TENM1: variants seen among roughly 807,000 people sequenced by gnomAD.
TENM1 encodes teneurin transmembrane protein 1.
Under a neutral mutation model 174.8 loss-of-function variants are expected in TENM1, and 35 were observed. That is an observed-to-expected ratio of 0.20 (90% CI 0.15 to 0.27). The LOEUF is 0.27. TENM1 is among the 10% of genes least tolerant of loss of function. TENM1 has a pLI of 1.00. For missense variants in TENM1, 1,633 were observed against 2,130.1 expected (o/e 0.77, Z 4.59); for synonymous variants, 781 against 798.7 (o/e 0.98, Z 0.37).
At chrX:125,195,026 T>C in the TENM1 span, among the ~76,000 whole-genome samples, 1 of 112,511 alleles carries the variant, frequency 8.9e-6, no homozygotes, top group South Asian at 3.7e-4. Flanking sequence ...TTAATGTCTC[T>C]GTAGCACCAG....
intron 1 of TENM1, among the ~76,000 whole-genome samples, chrX:124,922,098 T>C (rs750912373): frequency 9.0e-6 from 1 of 111,215 alleles, no homozygotes; most frequent in East Asian, 2.8e-4. Flanking sequence ...CACTGGTGTA[T>C]GAGAGTGATA....
chrX:124,944,161 T>C (rs1323380204), intron 1 of TENM1, among the ~76,000 whole-genome samples: 1 of 111,840 alleles, frequency 8.9e-6, no homozygotes, highest in African/African-American at 3.2e-5. Context: ...CTTTTAAACA[T>C]GTTCACAACT....
intron 3 of TENM1, among the ~76,000 whole-genome samples, chrX:124,826,753 T>C (rs1001603723): frequency 8.9e-6 from 1 of 111,879 alleles, no homozygotes; most frequent in Non-Finnish European, 1.9e-5. Flanking sequence ...CTGTACTTTC[T>C]ACATTTTCTA....
intron 3 of TENM1, among the ~76,000 whole-genome samples, chrX:124,792,023 T>C (rs146187344): frequency 8.3e-4 from 92 of 110,780 alleles, no homozygotes; most frequent in African/African-American, 2.9e-3. Flanking sequence ...TTCCTCTCTC[T>C]GGGAAACACC....
At chrX:125,200,874 G>A in the TENM1 span, among the ~76,000 whole-genome samples, 1 of 111,159 alleles carries the variant, frequency 9.0e-6, no homozygotes, top group Non-Finnish European at 1.9e-5. Flanking sequence ...CCAACTACTT[G>A]ATAGCTTTAC....
At chrX:124,653,913 T>C in intron 6 of TENM1, 130 bp from the exon 10 acceptor site, 1 of 546,725 alleles carries the variant, frequency 1.8e-6, no homozygotes, top group East Asian at 3.6e-5. Context: ...ACCCCATCTG[T>C]CTTTCAAGGC....
At chrX:124,745,690 G>T (rs1317297486) in intron 3 of TENM1, among the ~76,000 whole-genome samples, 1 of 110,747 alleles carries the variant, frequency 9.0e-6, no homozygotes, top group Non-Finnish European at 1.9e-5. Flanking sequence ...CCATATGCTT[G>T]TAAAGTGATT....
the TENM1 span, among the ~76,000 whole-genome samples, chrX:125,105,730 A>T: frequency 2.7e-5 from 3 of 111,538 alleles, no homozygotes; most frequent in Admixed American, 9.5e-5. Flanking sequence ...ATCACTGGGG[A>T]GCTAATCACT....
At chrX:124,829,112 C>T (rs1280208991) in intron 3 of TENM1, among the ~76,000 whole-genome samples, 1 of 111,762 alleles carries the variant, frequency 8.9e-6, no homozygotes, top group African/African-American at 3.3e-5. Flanking sequence ...TTTAACAAGG[C>T]AGCTATGCAG....
Position 124,742,639 on chromosome X carries a change from ATATACAGTATATG to A in TENM1, c.536-5455_536-5443del, listed in dbSNP as rs1407037421. Among the ~76,000 whole-genome samples, 14 of 110,946 alleles carry A rather than the reference ATATACAGTATATG, an allele frequency of 1.3e-4. No homozygotes were observed. In the South Asian group the frequency reaches 5.4e-3, roughly 43 times the overall value. ...CTCACTCTGGGTGAGTGTATATATAATATACAGTATATGTACAGCAGCACCTTTGTAAAATTTG... is the reference window on the plus strand; with the variant it reads ...CTCACTCTGGGTGAGTGTATATATAATACAGCAGCACCTTTGTAAAATTTG... On this transcript the variant is annotated intron_variant, in intron 3 of 31. Transcript: ENST00000422452.
chrX:124,734,835 T>C (rs1003054496), intron 4 of TENM1, among the ~76,000 whole-genome samples: 2 of 112,302 alleles, frequency 1.8e-5, no homozygotes, highest in Non-Finnish European at 3.8e-5. Context: ...TAGTATATTA[T>C]ACCCATTTTT....
chrX:124,507,448 T>C (rs1289414629), intron 18 of TENM1, among the ~76,000 whole-genome samples: 5 of 111,532 alleles, frequency 4.5e-5, no homozygotes, highest in Admixed American at 1.9e-4. Context: ...GTCGTGTTAC[T>C]TTTGCAGAGG....
intron 3 of TENM1, among the ~76,000 whole-genome samples, chrX:124,742,622 G>T (rs928005675): frequency 1.2e-4 from 13 of 110,676 alleles, no homozygotes; most frequent in Admixed American, 1.9e-4. Flanking sequence ...ACCTCACTCT[G>T]GGTGAGTGTA....
intron 28 of TENM1, among the ~76,000 whole-genome samples, 153 bp downstream of exon 31, chrX:124,391,899 A>G (rs779507125): frequency 8.9e-6 from 1 of 112,015 alleles, no homozygotes; most frequent in Non-Finnish European, 1.9e-5. Flanking sequence ...GTTTATCCTT[A>G]TAAGTTCAAC....
intron 11 of TENM1, among the ~76,000 whole-genome samples, chrX:124,578,391 C>T (rs1226085004): frequency 9.0e-6 from 1 of 111,363 alleles, no homozygotes; most frequent in Non-Finnish European, 1.9e-5. Flanking sequence ...CTCTGGAAGG[C>T]CAGGATAGCA....
chrX:125,136,050 T>G, the TENM1 span, among the ~76,000 whole-genome samples: 1 of 112,053 alleles, frequency 8.9e-6, no homozygotes. Context: ...TTTTCATTTA[T>G]TATTTTTTTC....
At chrX:124,592,304 C>T (rs764394688) in intron 11 of TENM1, among the ~76,000 whole-genome samples, 9 of 111,713 alleles carry the variant, frequency 8.1e-5, no homozygotes, top group South Asian at 3.7e-4. Flanking sequence ...TCGCTACATT[C>T]AGATTTTCAT....
At chrX:124,653,707 A>G in exon 7 of TENM1, 1 of 1,211,264 alleles carries the variant, frequency 8.3e-7, no homozygotes, top group Admixed American at 2.2e-5. Flanking sequence ...GCCAGAATAA[A>G]CCAGGTGGAA....
At chrX:125,063,117 A>G in the TENM1 span, among the ~76,000 whole-genome samples, 2 of 112,237 alleles carry the variant, frequency 1.8e-5, no homozygotes, top group African/African-American at 6.5e-5. Flanking sequence ...AAGAACTAGT[A>G]GGAGTAACTA....
Sources: allele counts gnomAD v4.1 joint callset (sites outside exome capture counted in the v4.1 genomes callset), GRCh38; gene constraint gnomAD v4.1.1; transcripts MANE v1.5; gene names NCBI Gene and HGNC (gene_info 2026-07-23, HGNC 2026-07-21).